FAF1: variants seen among roughly 807,000 people sequenced by gnomAD.
FAF1 encodes the protein FAS-associated factor 1.
A neutral mutation model predicts 92.5 loss-of-function variants in FAF1; 25 were observed. The ratio of observed to expected loss-of-function variants is 0.27; its 90% confidence interval spans 0.20 to 0.38. FAF1 has a LOEUF of 0.38. FAF1 is among the 10% of genes least tolerant of loss of function. The pLI, the probability that FAF1 is intolerant of heterozygous loss-of-function variation, is 1.00. For synonymous variants in FAF1, 234 were observed against 273.2 expected (o/e 0.86, Z 1.42); for missense variants, 636 against 793.3 (o/e 0.80, Z 2.38).
At chr1:50,897,092 T>C (rs965287386) in intron 1 of FAF1, among the ~76,000 whole-genome samples, 1 of 152,168 alleles carries the variant, frequency 6.6e-6, no homozygotes, top group East Asian at 1.9e-4. Context: ...TACATGGGTA[T>C]AAATCTAATA....
intron 8 of FAF1, among the ~76,000 whole-genome samples, chr1:50,653,220 G>T (rs186189631): frequency 1.9e-4 from 28 of 150,856 alleles, no homozygotes; most frequent in Non-Finnish European, 1.5e-5. Context: ...CCTATCCTTA[G>T]CCATAGATGA....
chr1:50,817,863 A>G (rs1390851287), intron 2 of FAF1, among the ~76,000 whole-genome samples: 9 of 152,186 alleles, frequency 5.9e-5, no homozygotes, highest in Non-Finnish European at 1.3e-4. Flanking sequence ...ATAAAGCTGT[A>G]AACAAAGAAT....
In FAF1 at chr1:50,543,983, T is replaced by C. The variant is rs561370344; in HGVS notation, c.1269-4255A>G. On this transcript the variant is annotated intron_variant, in intron 13 of 18. Transcript: ENST00000396153. ...ATGTGGAAAGGGCATCCTCCCTTTA[T>C]AACAACTTGCTCTCCTGGGAAGAAA... 3.9e-4 allele frequency among the ~76,000 whole-genome samples: 60 copies of C among 152,284 alleles called. 2 individuals are homozygous for C. In the South Asian group the frequency reaches 0.011, roughly 28 times the overall value.
chr1:50,707,927 T>C (rs1315831874), intron 6 of FAF1, among the ~76,000 whole-genome samples: 2 of 152,172 alleles, frequency 1.3e-5, no homozygotes, highest in Non-Finnish European at 2.9e-5. Context: ...CTTGATGACT[T>C]GCACTGTTCC....
At chr1:50,772,021 T>C (rs1660791849) in intron 4 of FAF1, among the ~76,000 whole-genome samples, 2 of 152,180 alleles carry the variant, frequency 1.3e-5, no homozygotes, top group Admixed American at 1.3e-4. Context: ...ATGGATAAGT[T>C]GTAGGGAAAT....
intron 7 of FAF1, among the ~76,000 whole-genome samples, chr1:50,674,111 C>T (rs1656015027): frequency 6.6e-6 from 1 of 152,056 alleles, no homozygotes; most frequent in African/African-American, 2.4e-5. Context: ...CCACCACACC[C>T]AGCTAATTTT....
At chr1:50,647,001 A>G (rs1654622859) in intron 8 of FAF1, among the ~76,000 whole-genome samples, 1 of 152,008 alleles carries the variant, frequency 6.6e-6, no homozygotes, top group South Asian at 2.1e-4. Context: ...GTGAGCCACC[A>G]CGCCCAGCTA....
At position 50,454,159 on chromosome 1, in the gene FAF1, CA is replaced by C. The variant is rs541255333; in HGVS notation, c.1870-12637del. ...TGAAATCTGGGTCTAAATTTTCGAA[CA>C]GGGGGTAGGGGCTTGGCCCCAACAT... On this transcript the variant is annotated intron_variant, in intron 18 of 18. Coordinates refer to ENST00000396153, the MANE Select transcript of FAF1 (RefSeq NM_007051.3). Among the ~76,000 whole-genome samples, 189 of 152,326 alleles carry C rather than the reference CA, an allele frequency of 1.2e-3. 4 individuals carry two copies. In the South Asian group the frequency reaches 0.038, roughly 31 times the overall value.
intron 13 of FAF1, among the ~76,000 whole-genome samples, chr1:50,541,154 A>G (rs944419413): frequency 6.6e-6 from 1 of 152,194 alleles, no homozygotes; most frequent in Non-Finnish European, 1.5e-5. Context: ...GTCTATAGAA[A>G]TTCATCTCAG....
chr1:50,567,170 G>A lies in FAF1; in HGVS notation c.1175C>T (p.Ser392Leu). Residue 392 changes from serine to leucine, a missense_variant, in exon 13 of 19, where the codon TCA (serine) becomes TTA (leucine). Ser to Leu is a moderately radical substitution (Grantham distance 145). This residue lies in a region of FAF1 where 319 missense variants were observed against 451.0 expected (regional missense o/e 0.71). Coordinates refer to ENST00000396153, the MANE Select transcript of FAF1 (RefSeq NM_007051.3). ...AATGGATTCAGCACAAAGCATTTGT[G>A]AGCAGAACACGTTGGTTAACACACT... ...DESVLTNVFC[S>L]QMLCAESIVS... The A allele has an allele frequency of 6.2e-7, 1 of 1,610,948 alleles. No individual in the cohort carries two copies. The highest frequency in any genetic ancestry group is 8.5e-7 in the Non-Finnish European group (1 of 1,177,870).
intron 1 of FAF1, among the ~76,000 whole-genome samples, chr1:50,862,917 A>G (rs559998303): frequency 6.6e-6 from 1 of 152,110 alleles, no homozygotes; most frequent in East Asian, 1.9e-4. Flanking sequence ...TGATGGCAAC[A>G]CAGTAATAGC....
chr1:50,578,090 T>C (rs982274311), intron 12 of FAF1, among the ~76,000 whole-genome samples: 2 of 152,234 alleles, frequency 1.3e-5, no homozygotes, highest in African/African-American at 4.8e-5. Flanking sequence ...AAATCCTTTG[T>C]AATCCCACCA....
At position 50,697,787 on chromosome 1, in the gene FAF1, T is replaced by TA. The variant is rs201261803; in HGVS notation, c.657+7998dup. On this transcript the variant is annotated intron_variant, in intron 7 of 18. Coordinates refer to ENST00000396153, the MANE Select transcript of FAF1 (RefSeq NM_007051.3). ...ACAAGCTTTTAAAATCTTTTTTCTC[T>TA]AAAAAAAAAGTTTTTCAAAATAATA... Among the ~76,000 whole-genome samples, 578 of 151,244 alleles carry TA rather than the reference T, an allele frequency of 3.8e-3. 2 individuals carry two copies. Among genetic ancestry groups the TA allele is most frequent in the African/African-American group, 0.013 (541 of 41,278 alleles).
chr1:50,560,644 T>C (rs991147980), intron 13 of FAF1, among the ~76,000 whole-genome samples: 1 of 152,238 alleles, frequency 6.6e-6, no homozygotes, highest in African/African-American at 2.4e-5. Flanking sequence ...CTCAGGTACT[T>C]ACATAAGCAA....
chr1:50,617,836 C>T (rs780105957), intron 8 of FAF1, among the ~76,000 whole-genome samples: 1 of 151,652 alleles, frequency 6.6e-6, no homozygotes, highest in Admixed American at 6.6e-5. Flanking sequence ...AATTTCAAAG[C>T]TTGATACTCG....
intron 7 of FAF1, among the ~76,000 whole-genome samples, chr1:50,674,368 TACTC>T (rs149657949): frequency 0.055 from 8,339 of 152,246 alleles, 297 homozygotes; most frequent in African/African-American, 0.1. Flanking sequence ...AAGAAATTGT[TACTC>T]ACACTATTCA....
intron 2 of FAF1, among the ~76,000 whole-genome samples, chr1:50,808,920 A>G (rs1407125397): frequency 6.6e-6 from 1 of 152,200 alleles, no homozygotes; most frequent in African/African-American, 2.4e-5. Context: ...GAAGGGTTTA[A>G]TTCAACAAGA....
chr1:50,516,508 A>G (rs1048485456), intron 15 of FAF1, among the ~76,000 whole-genome samples: 11 of 152,192 alleles, frequency 7.2e-5, no homozygotes, highest in African/African-American at 2.7e-4. Flanking sequence ...CGAAATACCA[A>G]GCACGCATTT....
intron 8 of FAF1, among the ~76,000 whole-genome samples, chr1:50,649,785 C>CAAAAAAAAAAA (rs535636319): frequency 1.4e-5 from 1 of 72,952 alleles, no homozygotes; most frequent in Admixed American, 1.6e-4. Flanking sequence ...ACTAAAACTA[C>CAAAAAAAAAAA]AAAAAAAAAA....
Sources: gnomAD v4.1 joint callset for allele counts (sites outside exome capture counted in the v4.1 genomes callset) on GRCh38, gnomAD v4.1.1 for gene constraint, gnomAD v4.1.1 regional missense constraint, MANE v1.5 for transcripts, NCBI Gene and HGNC (gene_info 2026-07-23, HGNC 2026-07-21) for gene names.